Variants in TMCO4 observed in about 807,000 individuals in gnomAD.
The protein encoded by TMCO4 is transmembrane and coiled-coil domains 4.
In TMCO4, 58 loss-of-function variants were observed where a neutral mutation model predicts 64.7. The ratio of observed to expected loss-of-function variants is 0.90; its 90% CI spans 0.73 to 1.12. The LOEUF (loss-of-function observed/expected upper bound fraction) is 1.12, where lower values mean the gene tolerates loss of function less well. Ranked by LOEUF, TMCO4 falls within the 50% of genes most tolerant of loss-of-function variation. The pLI is 0.00. For missense variants in TMCO4, 780 were observed against 825.9 expected, an observed-to-expected ratio of 0.94 and a Z score of 0.68; for synonymous variants, 325 against 346.1, an observed-to-expected ratio of 0.94 and a Z score of 0.68.
intron 6 of TMCO4, 125 bp from the exon 7 acceptor site, chr1:19,755,891 C>A: frequency 4.5e-6 from 5 of 1,118,402 alleles, no homozygotes; most frequent in South Asian, 1.5e-5. Context: ...GGGAGCCAGT[C>A]AATGAAAAAA....
At chr1:19,757,820 A>T (rs572956915) in intron 6 of TMCO4, among the ~76,000 whole-genome samples, 5 of 152,336 alleles carry the variant, frequency 3.3e-5, no homozygotes, top group Non-Finnish European at 7.3e-5. Flanking sequence ...GCAGTGAATG[A>T]ACCAATGAAT....
chr1:19,692,791 C>T (rs1352926451), intron 15 of TMCO4, among the ~76,000 whole-genome samples: 3 of 151,748 alleles, frequency 2.0e-5, no homozygotes, highest in Non-Finnish European at 2.9e-5. Flanking sequence ...TAGGGCAGAG[C>T]GGGACATAGA....
At chr1:19,748,211 G>A (rs1009632) in intron 7 of TMCO4, among the ~76,000 whole-genome samples, 7,227 of 152,272 alleles carry the variant, frequency 0.047, 201 homozygotes, top group African/African-American at 0.077. Flanking sequence ...GCATGGCGGC[G>A]GGCACACTGC....
Position 19,771,426 on chromosome 1 carries a change from G to C in TMCO4, c.236C>G (p.Ala79Gly), listed in dbSNP as rs958455109. ...AAAAGCAGTCATGGTTGGCAAGACA[G>C]CTTCAGACAACTCCAGCCACTGCAC... Reference protein sequence around the residue: ...GLVQWLELSEAVLPTMTAFAS... With the variant: ...GLVQWLELSEGVLPTMTAFAS... The change falls in exon 5 of 16, where the codon GCT becomes GGT. Residue 79 changes from alanine (A) to glycine (G), a missense_variant. Transcript: ENST00000294543. The C allele has an allele frequency of 6.2e-7, 1 of 1,613,996 alleles. No homozygotes were observed. The highest frequency in any genetic ancestry group is 1.3e-5 in the African/African-American group (1 of 74,910).
At chr1:19,733,097 C>T (rs988461196) in intron 13 of TMCO4, among the ~76,000 whole-genome samples, 9 of 151,870 alleles carry the variant, frequency 5.9e-5, no homozygotes, top group African/African-American at 2.2e-4. Flanking sequence ...GAAACCCCGA[C>T]TCTACTAAAA....
rs2043432149 is a variant in TMCO4 at position 19,780,723 on chromosome 1, AG to A, written c.35del (p.Pro12LeufsTer6). 6 of 1,606,054 alleles carry A rather than the reference AG, an allele frequency of 3.7e-6. No homozygotes were observed. In the Admixed American group the frequency reaches 1.0e-4, roughly 28 times the overall value. On this transcript the variant is annotated frameshift_variant, in exon 4 of 16. Coordinates refer to ENST00000294543, the MANE Select transcript of TMCO4 (RefSeq NM_181719.7). LOFTEE classifies it high-confidence loss of function. Reference sequence around the variant, plus strand: ...TGGGCTCAGCTACCAGAGGCTGCTGAGGCAGCCTCTGGCATGGCCTGTTCCA... The same window carrying A: ...TGGGCTCAGCTACCAGAGGCTGCTGAGCAGCCTCTGGCATGGCCTGTTCCA... ...AMWNRPCQRL[P>X]QQPLVAEPTA...
At position 19,770,545 on chromosome 1, in the gene TMCO4, C is replaced by A; in HGVS notation, c.379G>T (p.Asp127Tyr). 6.2e-7 allele frequency: 1 copy of A among 1,613,860 alleles called. No homozygotes were observed. The highest frequency in any genetic ancestry group is 8.5e-7 in the Non-Finnish European group (1 of 1,179,890). The change falls in exon 6 of 16, where the codon GAT (aspartate) becomes TAT (tyrosine). Residue 127 changes from aspartate (D) to tyrosine (Y), a missense_variant. By Grantham distance (160) the Asp-to-Tyr change is radical. Transcript: ENST00000294543. ...TQDLLSFSLK[D>Y]GHYDARARVL... ...AGAGCTTAGAAAATCAACTTACCAT[C>A]CTTGAGTGAGAAGCTCAGAAGGTCC... is the stretch of plus-strand genomic sequence containing the variant.
chr1:19,782,218 C>T (rs2043525602), intron 3 of TMCO4, among the ~76,000 whole-genome samples: 1 of 152,112 alleles, frequency 6.6e-6, no homozygotes, highest in East Asian at 1.9e-4. Flanking sequence ...CATTACACAG[C>T]AATGGAAAGG....
At chr1:19,696,202 G>A (rs2095235587) in intron 14 of TMCO4, among the ~76,000 whole-genome samples, 2 of 152,168 alleles carry the variant, frequency 1.3e-5, no homozygotes, top group Non-Finnish European at 2.9e-5. Context: ...AGAGAGCAAT[G>A]CTTTCAGGTA....
intron 13 of TMCO4, among the ~76,000 whole-genome samples, chr1:19,729,550 G>T (rs2095421946): frequency 6.6e-6 from 1 of 151,832 alleles, no homozygotes; most frequent in African/African-American, 2.4e-5. Flanking sequence ...CAGATCACCT[G>T]AGGTCAGGAG....
rs2095112147 is a variant in TMCO4 at position 19,682,769 on chromosome 1, G to A, written c.*271C>T. The A allele has an allele frequency of 1.4e-6, 1 of 718,990 alleles. No homozygotes were observed. Among genetic ancestry groups the A allele is most frequent in the Admixed American group, 2.0e-5 (1 of 50,012 alleles). 44.5% of individuals were successfully genotyped at this position (718,990 alleles called of 1,614,324 possible). A position where few individuals can be genotyped will look rare whatever the true frequency, so the allele number is the denominator to read the frequency against. On this transcript the variant is annotated 3_prime_UTR_variant, in exon 16 of 16. Coordinates refer to ENST00000294543, the MANE Select transcript of TMCO4 (RefSeq NM_181719.7). Reference sequence around the variant, plus strand: ...GTTTCCGGTCCTGGGACTCTAACCTGTGCTTGGTTGACTCTGCAGGTCTCT... The same window carrying A: ...GTTTCCGGTCCTGGGACTCTAACCTATGCTTGGTTGACTCTGCAGGTCTCT...
chr1:19,720,233 C>T (rs762826918), intron 13 of TMCO4, among the ~76,000 whole-genome samples: 111 of 152,150 alleles, frequency 7.3e-4, no homozygotes, highest in Middle Eastern at 6.8e-3. Flanking sequence ...AAACTTCTGA[C>T]CTCAAGGAGT....
intron 14 of TMCO4, among the ~76,000 whole-genome samples, chr1:19,696,643 T>C (rs2095239279): frequency 6.6e-6 from 1 of 152,068 alleles, no homozygotes. Flanking sequence ...AGTTATTTTA[T>C]TGAACTATTT....
Position 19,694,875 on chromosome 1 carries a change from T to C in TMCO4, c.1383-324A>G, listed in dbSNP as rs900381519. On this transcript the variant is annotated intron_variant, in intron 14 of 15. Coordinates refer to ENST00000294543, the MANE Select transcript of TMCO4 (RefSeq NM_181719.7). ...AATAGAGGAATATCTGCTGAATGAA[T>C]GAATGAATGAGGAATCTGGATAAAG... Among the ~76,000 whole-genome samples the C allele has an allele frequency of 4.6e-5, 7 of 152,142 alleles. No homozygotes were observed. In the East Asian group the frequency reaches 1.3e-3, roughly 29 times the overall value.
intron 4 of TMCO4, among the ~76,000 whole-genome samples, chr1:19,778,023 A>C (rs964737753): frequency 2.6e-5 from 4 of 152,208 alleles, no homozygotes; most frequent in African/African-American, 7.2e-5. Flanking sequence ...TGGGTGACTG[A>C]GACCCCATCT....
rs1468876180 is a variant in TMCO4, at chr1:19,728,679, T to G, written c.1264+8693A>C. Among the ~76,000 whole-genome samples, 4 of 152,336 alleles carry G rather than the reference T, an allele frequency of 2.6e-5. 1 individual carries two copies. In the South Asian group the frequency reaches 8.3e-4, roughly 32 times the overall value. On this transcript the variant is annotated intron_variant, in intron 13 of 15. Coordinates refer to ENST00000294543, the MANE Select transcript of TMCO4 (RefSeq NM_181719.7). ...TGGGAAACGTGCTGGGTGCCATTCC[T>G]ACCTCCGTCTGCATGAAGGCCCCTT...
At chr1:19,709,144 C>T (rs2095317285) in intron 13 of TMCO4, among the ~76,000 whole-genome samples, 1 of 152,154 alleles carries the variant, frequency 6.6e-6, no homozygotes, top group African/African-American at 2.4e-5. Flanking sequence ...TGGAAAGAAT[C>T]GCTTAAAGGA....
chr1:19,740,988 G>T, intron 10 of TMCO4, 47 bp from the exon 11 acceptor site: 1 of 1,542,646 alleles, frequency 6.5e-7, no homozygotes, highest in Non-Finnish European at 8.8e-7. Flanking sequence ...TATGGCAGAG[G>T]ATGCCCCACC....
At chr1:19,794,458 T>C (rs1385114163) in intron 2 of TMCO4, among the ~76,000 whole-genome samples, 2 of 152,170 alleles carry the variant, frequency 1.3e-5, no homozygotes, top group Non-Finnish European at 2.9e-5. Context: ...AAAAAATAAT[T>C]ACAGCGACAA....
Sources: allele counts gnomAD v4.1 joint callset (sites outside exome capture counted in the v4.1 genomes callset), GRCh38; gene constraint gnomAD v4.1.1; transcripts MANE v1.5; gene names NCBI Gene and HGNC (gene_info 2026-07-23, HGNC 2026-07-21).